Variants in NSMCE2 observed in about 807,000 individuals in gnomAD.
NSMCE2 encodes the protein E3 SUMO-protein ligase NSE2.
NSMCE2 carries 24 observed loss-of-function variants against 23.8 expected under a neutral mutation model. The observed-to-expected ratio is 1.01, with a 90% CI of 0.73 to 1.42. The LOEUF (loss-of-function observed/expected upper bound fraction) is 1.42. Ranked by LOEUF, NSMCE2 falls within the 40% of genes most tolerant of loss-of-function variation. NSMCE2 has a pLI of 0.00. For synonymous variants in NSMCE2, 92 were observed against 94.1 expected (o/e 0.98, Z 0.13); for missense variants, 284 against 296.5 (o/e 0.96, Z 0.31).
chr8:125,096,588 G>C (rs60494467), intron 1 of NSMCE2, among the ~76,000 whole-genome samples: 15,403 of 138,646 alleles, frequency 0.11, 1,358 homozygotes, highest in African/African-American at 0.24. Flanking sequence ...TTTTGATTGT[G>C]AGGAAGCTCA....
chr8:125,158,803 G>A (rs1821452159), intron 4 of NSMCE2, among the ~76,000 whole-genome samples: 1 of 152,140 alleles, frequency 6.6e-6, no homozygotes. Context: ...GTGCTGAATG[G>A]GCTAACTGCA....
intron 4 of NSMCE2, among the ~76,000 whole-genome samples, chr8:125,158,032 A>T (rs1284082712): frequency 6.6e-6 from 1 of 152,206 alleles, no homozygotes; most frequent in Admixed American, 6.5e-5. Flanking sequence ...AATGTTGTAA[A>T]CTTAGTTAAC....
intron 5 of NSMCE2, among the ~76,000 whole-genome samples, chr8:125,192,708 G>A (rs2130832049): frequency 6.6e-6 from 1 of 152,192 alleles, no homozygotes; most frequent in East Asian, 1.9e-4. Context: ...CACAAAAAGG[G>A]CACAATAATG....
At chr8:125,171,145 A>G (rs977821037) in intron 4 of NSMCE2, among the ~76,000 whole-genome samples, 4 of 152,168 alleles carry the variant, frequency 2.6e-5, no homozygotes, top group Non-Finnish European at 5.9e-5. Context: ...TTGACCGTCC[A>G]TCACAGAAGA....
At chr8:125,099,843 G>A (rs577311227) in intron 1 of NSMCE2, among the ~76,000 whole-genome samples, 49 of 152,236 alleles carry the variant, frequency 3.2e-4, no homozygotes, top group Non-Finnish European at 6.2e-4. Context: ...GTAACCAGAG[G>A]GGTAAGTGGG....
intron 5 of NSMCE2, among the ~76,000 whole-genome samples, chr8:125,210,854 A>C (rs7016677): frequency 0.16 from 24,151 of 151,968 alleles, 2,953 homozygotes; most frequent in African/African-American, 0.34. Context: ...CCCAGTAGCT[A>C]GGACTACAGG....
At chr8:125,299,713 C>T (rs953346665) in intron 5 of NSMCE2, among the ~76,000 whole-genome samples, 1 of 150,384 alleles carries the variant, frequency 6.6e-6, no homozygotes, top group Non-Finnish European at 1.5e-5. Flanking sequence ...ATTCATTTCA[C>T]TGAGAATAAC....
chr8:125,168,984 G>A (rs1236965130), intron 4 of NSMCE2, among the ~76,000 whole-genome samples: 1 of 151,486 alleles, frequency 6.6e-6, no homozygotes, highest in Non-Finnish European at 1.5e-5. Context: ...GGAAGCTAGG[G>A]CTTGCAGTTA....
At chr8:125,344,612 A>G (rs1295525463) in intron 5 of NSMCE2, among the ~76,000 whole-genome samples, 3 of 152,024 alleles carry the variant, frequency 2.0e-5, no homozygotes, top group African/African-American at 7.2e-5. Flanking sequence ...GAGTGGTGGC[A>G]TGCACCTGTA....
chr8:125,235,473 G>A (rs1214373057), intron 5 of NSMCE2, among the ~76,000 whole-genome samples: 2 of 152,146 alleles, frequency 1.3e-5, no homozygotes, highest in Non-Finnish European at 2.9e-5. Flanking sequence ...TGTAGCATAT[G>A]TGTCATTTTT....
chr8:125,269,909 G>C (rs76491300), intron 5 of NSMCE2, among the ~76,000 whole-genome samples: 339 of 152,290 alleles, frequency 2.2e-3, no homozygotes, highest in African/African-American at 7.7e-3. Flanking sequence ...CATTCAGTCA[G>C]TCATCCATTT....
chr8:125,365,514 AC>A (rs1813743233), intron 7 of NSMCE2, among the ~76,000 whole-genome samples: 1 of 151,816 alleles, frequency 6.6e-6, no homozygotes, highest in Non-Finnish European at 1.5e-5. Context: ...AACCAAACAC[AC>A]TCCTCACCCA....
intron 5 of NSMCE2, among the ~76,000 whole-genome samples, chr8:125,230,673 T>C (rs984338415): frequency 6.6e-6 from 1 of 151,546 alleles, no homozygotes; most frequent in African/African-American, 2.4e-5. Context: ...GAAAAACACC[T>C]TTTCTTTTTT....
intron 5 of NSMCE2, among the ~76,000 whole-genome samples, chr8:125,329,250 T>C (rs1204322300): frequency 2.0e-5 from 3 of 152,162 alleles, no homozygotes; most frequent in African/African-American, 7.2e-5. Context: ...AGGATGTTCT[T>C]GGATGTGTTT....
At chr8:125,277,175 C>A (rs1337396214) in intron 5 of NSMCE2, among the ~76,000 whole-genome samples, 1 of 152,156 alleles carries the variant, frequency 6.6e-6, no homozygotes, top group African/African-American at 2.4e-5. Context: ...GGTCAGATAT[C>A]CTATCTGCTG....
intron 4 of NSMCE2, among the ~76,000 whole-genome samples, chr8:125,164,785 GGTTTAT>G (rs1380955565): frequency 7.9e-5 from 12 of 152,028 alleles, no homozygotes; most frequent in Non-Finnish European, 1.3e-4. Flanking sequence ...TTAATGATAT[GGTTTAT>G]GTTTATATTT....
At chr8:125,182,399 A>G in intron 5 of NSMCE2, 143 bp downstream of exon 5, 2 of 724,844 alleles carry the variant, frequency 2.8e-6, no homozygotes, top group South Asian at 1.6e-5. Context: ...TTGTTGTTGC[A>G]ATTCTGTATT....
chr8:125,161,399 A>G (rs1326366853), intron 4 of NSMCE2, among the ~76,000 whole-genome samples: 1 of 152,204 alleles, frequency 6.6e-6, no homozygotes, highest in African/African-American at 2.4e-5. Context: ...ATAGTTTTAA[A>G]TTTAATGATC....
chr8:125,213,999 G>C (rs985176847), intron 5 of NSMCE2, among the ~76,000 whole-genome samples: 3 of 152,164 alleles, frequency 2.0e-5, no homozygotes, highest in African/African-American at 7.2e-5. Flanking sequence ...ATTAAGGCAG[G>C]AAATTAGAAG....
Sources: gnomAD v4.1 joint callset for allele counts (sites outside exome capture counted in the v4.1 genomes callset) on GRCh38, gnomAD v4.1.1 for gene constraint, MANE v1.5 for transcripts, NCBI Gene and HGNC (gene_info 2026-07-23, HGNC 2026-07-21) for gene names.